E2F3: variants seen among roughly 807,000 people sequenced by gnomAD.
E2F3 encodes transcription factor E2F3.
In E2F3, 11 loss-of-function variants were observed where a neutral mutation model predicts 44.4. That is an observed-to-expected ratio of 0.25 (90% CI 0.16 to 0.41). The LOEUF (loss-of-function observed/expected upper bound fraction) is 0.41. E2F3 is among the 10% of genes least tolerant of loss of function. The probability of loss-of-function intolerance (pLI) is 1.00; values close to 1 mark genes in which losing one functional copy is unlikely to be tolerated. For synonymous variants in E2F3, 249 were observed against 253.0 expected (o/e 0.98, Z 0.15); for missense variants, 487 against 583.6 (o/e 0.83, Z 1.70).
In E2F3 at chr6:20,402,295, G is replaced by A; in HGVS notation, c.63G>A (p.Gly21=). Residue 21 remains glycine (G), a synonymous_variant, in exon 1 of 7, where the codon GGG becomes GGA. Coordinates refer to ENST00000346618, the MANE Select transcript of E2F3 (RefSeq NM_001949.5). This position sits in a 1 kb window ranked among gnomAD's most constrained non-coding sequence, Gnocchi z 5.6. ...QYLVTAGGGE[G]AAVVAAAAAA... is the part of the protein sequence containing the mutation. ...TGGTGACCGCCGGGGGTGGGGAGGG[G>A]GCGGCTGTCGTCGCCGCCGCCGCTG... 8.1e-6 allele frequency: 13 copies of A among 1,608,210 alleles called. No individual in the cohort carries two copies. Among genetic ancestry groups the A allele is most frequent in the Non-Finnish European group, 1.1e-5 (13 of 1,178,520 alleles).
intron 1 of E2F3, among the ~76,000 whole-genome samples, chr6:20,461,807 A>G (rs1761519345): frequency 1.3e-5 from 2 of 152,186 alleles, no homozygotes; most frequent in Admixed American, 6.5e-5. Flanking sequence ...TTTATGGTGC[A>G]TATTGAGAAG....
At chr6:20,454,397 GT>G (rs1182493363) in intron 1 of E2F3, among the ~76,000 whole-genome samples, 4 of 152,212 alleles carry the variant, frequency 2.6e-5, no homozygotes, top group African/African-American at 9.7e-5. Flanking sequence ...GGGCGGATGG[GT>G]TTGGTCCTAA....
intron 1 of E2F3, among the ~76,000 whole-genome samples, chr6:20,455,621 G>T (rs1017756892): frequency 1.3e-5 from 2 of 152,196 alleles, no homozygotes; most frequent in African/African-American, 4.8e-5. Flanking sequence ...GCTGAAGAGA[G>T]AGTCGAAGAT....
chr6:20,421,637 G>A (rs1760030079), intron 1 of E2F3: 1 of 152,196 alleles, frequency 6.6e-6, no homozygotes, highest in Admixed American at 6.5e-5. Flanking sequence ...TGTCATTCAA[G>A]CTTTATTACT....
chr6:20,490,358 A>C lies in E2F3; in HGVS notation c.1326A>C (p.Glu442Asp). 1 of 1,613,486 alleles carries C rather than the reference A, an allele frequency of 6.2e-7. No individual in the cohort carries two copies. Among genetic ancestry groups the C allele is most frequent in the African/African-American group, 1.3e-5 (1 of 75,026 alleles). Residue 442 changes from glutamate to aspartate, a missense_variant, in exon 7 of 7, where the codon GAA (glutamate) becomes GAC (aspartate). By Grantham distance (45) the Glu-to-Asp change is conservative. Transcript: ENST00000346618. This position sits in a 1 kb window ranked among gnomAD's most constrained non-coding sequence, Gnocchi z 4.3. ...ATCTCCTGAGCCTCGGGGAGGAGGA[A>C]GGCATCAGCGATCTCTTCGATGCTT... ...EDYLLSLGEE[E>D]GISDLFDAYD... is the part of the protein sequence containing the mutation.
chr6:20,405,369 C>G (rs1318222039), intron 1 of E2F3, among the ~76,000 whole-genome samples: 1 of 120,266 alleles, frequency 8.3e-6, no homozygotes. Context: ...TTTTTTGAGA[C>G]GGAGTCTCAT....
intron 1 of E2F3, among the ~76,000 whole-genome samples, chr6:20,412,420 A>G (rs1324374923): frequency 6.6e-6 from 1 of 152,038 alleles, no homozygotes; most frequent in Non-Finnish European, 1.5e-5. Context: ...CTTGGTGGAA[A>G]GGGAAGATTG....
intron 1 of E2F3, among the ~76,000 whole-genome samples, chr6:20,465,378 C>T (rs1761667264): frequency 6.6e-6 from 1 of 152,212 alleles, no homozygotes; most frequent in South Asian, 2.1e-4. Flanking sequence ...GCAGGACTTC[C>T]CTTTGATCTA....
intron 1 of E2F3, among the ~76,000 whole-genome samples, chr6:20,411,206 A>G (rs536300436): frequency 2.0e-5 from 3 of 152,364 alleles, no homozygotes; most frequent in African/African-American, 7.2e-5. Context: ...AGCATGAATG[A>G]CACTATTAAC....
At chr6:20,446,967 C>A (rs1248710253) in intron 1 of E2F3, among the ~76,000 whole-genome samples, 9 of 152,156 alleles carry the variant, frequency 5.9e-5, no homozygotes, top group Admixed American at 5.9e-4. Flanking sequence ...CACCTTCATG[C>A]AATGTCACTG....
chr6:20,411,445 C>T (rs1411594832), intron 1 of E2F3, among the ~76,000 whole-genome samples: 4 of 152,170 alleles, frequency 2.6e-5, no homozygotes, highest in Non-Finnish European at 4.4e-5. Context: ...ATTCCTACCC[C>T]TTCCCCTTCG....
intron 1 of E2F3, among the ~76,000 whole-genome samples, chr6:20,445,302 C>T (rs1442286437): frequency 1.3e-5 from 2 of 151,352 alleles, no homozygotes; most frequent in African/African-American, 2.4e-5. Context: ...TACAGTGGCG[C>T]GATCTCAGCT....
intron 1 of E2F3, among the ~76,000 whole-genome samples, chr6:20,437,369 G>T (rs1465315271): frequency 6.6e-6 from 1 of 152,132 alleles, no homozygotes; most frequent in Non-Finnish European, 1.5e-5. Context: ...CATCTGAAGA[G>T]CATCAAAATT....
chr6:20,478,540 G>T (rs1482860313), intron 1 of E2F3, among the ~76,000 whole-genome samples: 1 of 152,210 alleles, frequency 6.6e-6, no homozygotes, highest in Non-Finnish European at 1.5e-5. Context: ...TGGGTACAGT[G>T]GCTCACGCCT....
At chr6:20,405,941 CT>C (rs1759480635) in intron 1 of E2F3, among the ~76,000 whole-genome samples, 1 of 152,192 alleles carries the variant, frequency 6.6e-6, no homozygotes, top group Non-Finnish European at 1.5e-5. Context: ...TTATATTAGA[CT>C]TCCATGTAAG....
chr6:20,442,511 C>T (rs576547334), intron 1 of E2F3, among the ~76,000 whole-genome samples: 77 of 152,268 alleles, frequency 5.1e-4, no homozygotes, highest in African/African-American at 1.7e-3. Context: ...TTTATCCTTA[C>T]GTAGTTACAA....
At chr6:20,470,772 G>T (rs556377235) in intron 1 of E2F3, among the ~76,000 whole-genome samples, 10 of 152,270 alleles carry the variant, frequency 6.6e-5, no homozygotes, top group Admixed American at 2.0e-4. Flanking sequence ...CATGCCTTGT[G>T]CTTGATTTAA....
chr6:20,480,079 C>A (rs923657721), intron 2 of E2F3, 122 bp downstream of exon 2: 4 of 1,433,552 alleles, frequency 2.8e-6, no homozygotes, highest in Non-Finnish European at 3.7e-6. Context: ...TTTTTCATTT[C>A]TTTCTGTGCT....
chr6:20,428,875 G>T (rs1485771565), intron 1 of E2F3, among the ~76,000 whole-genome samples: 1 of 152,124 alleles, frequency 6.6e-6, no homozygotes, highest in African/African-American at 2.4e-5. Context: ...GCCCTACAAT[G>T]ATATTTTTAG....
Sources: allele counts gnomAD v4.1 joint callset (sites outside exome capture counted in the v4.1 genomes callset), GRCh38; gene constraint gnomAD v4.1.1; non-coding constraint Gnocchi (gnomAD v3.1); transcripts MANE v1.5; gene names NCBI Gene and HGNC (gene_info 2026-07-23, HGNC 2026-07-21).